SDK2: variants seen among roughly 807,000 people sequenced by gnomAD.
The protein encoded by SDK2 is sidekick cell adhesion molecule 2, also known as protein sidekick-2.
In SDK2, 105 loss-of-function variants were observed where a neutral mutation model predicts 253.9. The ratio of observed to expected loss-of-function variants is 0.41; its 90% CI spans 0.35 to 0.49. The LOEUF (loss-of-function observed/expected upper bound fraction) is 0.49, where lower values mean the gene tolerates loss of function less well. Ranked by LOEUF, SDK2 falls within the 20% of genes least tolerant of loss-of-function variation. The pLI is 0.06. For synonymous variants in SDK2, 1,249 were observed against 1,234.9 expected, an observed-to-expected ratio of 1.01 and a Z score of -0.24; for missense variants, 2,608 against 3,003.0, an observed-to-expected ratio of 0.87 and a Z score of 3.07.
At chr17:73,404,421 T>C (rs1599530966) in intron 18 of SDK2, among the ~76,000 whole-genome samples, 1 of 152,280 alleles carries the variant, frequency 6.6e-6, no homozygotes, top group Non-Finnish European at 1.5e-5. Context: ...GGAACTTCAG[T>C]GCTCAGCTCA....
intron 18 of SDK2, among the ~76,000 whole-genome samples, chr17:73,414,206 AG>A (rs1330669016): frequency 6.6e-6 from 1 of 151,730 alleles, no homozygotes; most frequent in East Asian, 1.9e-4. Context: ...CCTGCCACCA[AG>A]CCCAGCTAAT....
intron 1 of SDK2, among the ~76,000 whole-genome samples, chr17:73,590,006 G>C (rs770230591): frequency 3.9e-5 from 6 of 152,214 alleles, no homozygotes; most frequent in Admixed American, 1.3e-4. Flanking sequence ...TCCTTCCCAC[G>C]GCCAGAGGGC....
At chr17:73,440,771 G>A (rs1410830212) in intron 6 of SDK2, 41 bp downstream of exon 6, 1 of 1,408,416 alleles carries the variant, frequency 7.1e-7, no homozygotes, top group Non-Finnish European at 9.8e-7. Context: ...AGCAGCAGCT[G>A]GAGTTACGGG....
intron 44 of SDK2, among the ~76,000 whole-genome samples, chr17:73,345,058 C>G (rs185255122): frequency 2.4e-3 from 361 of 152,316 alleles, no homozygotes; most frequent in African/African-American, 8.4e-3. Context: ...GTGGCTCACG[C>G]CTGTAATCCT....
At chr17:73,555,128 C>T (rs2045124137) in intron 1 of SDK2, among the ~76,000 whole-genome samples, 2 of 152,222 alleles carry the variant, frequency 1.3e-5, no homozygotes, top group South Asian at 4.1e-4. Context: ...CATATGCAGC[C>T]CCGAGCTGGG....
intron 2 of SDK2, among the ~76,000 whole-genome samples, chr17:73,503,201 C>G (rs534814641): frequency 6.6e-6 from 1 of 152,166 alleles, no homozygotes; most frequent in South Asian, 2.1e-4. Flanking sequence ...TTAGGTCCGG[C>G]GTTGAAGAAG....
At chr17:73,491,260 G>A (rs1051409672) in intron 2 of SDK2, among the ~76,000 whole-genome samples, 1 of 152,056 alleles carries the variant, frequency 6.6e-6, no homozygotes, top group Non-Finnish European at 1.5e-5. Context: ...ACAAGCCCTG[G>A]CCCAGCAAAG....
intron 1 of SDK2, among the ~76,000 whole-genome samples, chr17:73,596,691 G>A (rs1489669492): frequency 6.6e-6 from 1 of 152,058 alleles, no homozygotes; most frequent in Non-Finnish European, 1.5e-5. Flanking sequence ...CAGAAACAGG[G>A]GACACAGGAC....
intron 3 of SDK2, among the ~76,000 whole-genome samples, chr17:73,466,714 CG>C (rs373726318): frequency 0.11 from 11,249 of 103,236 alleles, 2,844 homozygotes; most frequent in African/African-American, 0.34. Context: ...CTCTGGGGAA[CG>C]CCCCCCCCCC....
chr17:73,394,430 C>T, intron 25 of SDK2, 106 bp from the exon 26 acceptor site: 1 of 590,302 alleles, frequency 1.7e-6, no homozygotes, highest in Non-Finnish European at 2.7e-6. Context: ...CTCGATGTTG[C>T]CTCTCTATGG....
chr17:73,537,504 A>T (rs1003795940), intron 1 of SDK2, among the ~76,000 whole-genome samples: 3 of 152,148 alleles, frequency 2.0e-5, no homozygotes, highest in African/African-American at 7.2e-5. Flanking sequence ...ATCGGGCTCC[A>T]GAGCTGCTGA....
chr17:73,355,174 A>ATAT, intron 40 of SDK2, among the ~76,000 whole-genome samples: 4 of 47,238 alleles, frequency 8.5e-5, no homozygotes, highest in African/African-American at 4.9e-4. Context: ...ATATATATAT[A>ATAT]TTTTTTTTTT....
At chr17:73,445,616 C>T (rs1310512901) in intron 5 of SDK2, among the ~76,000 whole-genome samples, 9 of 151,914 alleles carry the variant, frequency 5.9e-5, no homozygotes, top group Non-Finnish European at 1.3e-4. Flanking sequence ...GGAGAGCAGA[C>T]GGAGGGGTGA....
At chr17:73,422,155 T>C in intron 15 of SDK2, 132 bp downstream of exon 15, 1 of 982,394 alleles carries the variant, frequency 1.0e-6, no homozygotes, top group Non-Finnish European at 1.5e-6. Flanking sequence ...AGGATTGCTC[T>C]CCCCTTCTAC....
At chr17:73,628,320 A>G (rs150063822) in intron 1 of SDK2, among the ~76,000 whole-genome samples, 1 of 152,220 alleles carries the variant, frequency 6.6e-6, no homozygotes, top group East Asian at 1.9e-4. Context: ...AGCACTCATA[A>G]GCCATGCTAC....
chr17:73,340,096 T>C (rs1345427042), intron 44 of SDK2, among the ~76,000 whole-genome samples: 1 of 152,198 alleles, frequency 6.6e-6, no homozygotes. Context: ...GGTCTTGAAC[T>C]CCTGACCTCA....
In SDK2 at chr17:73,447,484, TC is replaced by T. The variant is rs2063460931; in HGVS notation, c.613+130del. 15 of 1,322,026 alleles carry T rather than the reference TC, an allele frequency of 1.1e-5. No individual in the cohort carries two copies. Among genetic ancestry groups the T allele is most frequent in the African/African-American group, 1.5e-5 (1 of 68,242 alleles). The allele number at this position is 1,322,026 out of a possible 1,614,324, so 81.9% of individuals were successfully genotyped here. On this transcript the variant is annotated intron_variant, in intron 5 of 44. Coordinates refer to ENST00000392650, the MANE Select transcript of SDK2 (RefSeq NM_001144952.2). This position sits in a 1 kb window ranked among gnomAD's most constrained non-coding sequence, Gnocchi z 4.0. ...TGTGTCTCGTCCTCCTTGGGAAGGC[TC>T]CCCCCGGCCGTCCCCTAGCTTCCCT...
chr17:73,424,834 G>T (rs1200757991), intron 12 of SDK2, among the ~76,000 whole-genome samples: 1 of 152,182 alleles, frequency 6.6e-6, no homozygotes, highest in Non-Finnish European at 1.5e-5. Flanking sequence ...ACAGGGTGGG[G>T]GCCTGAGCTG....
chr17:73,471,150 C>G (rs1282808885), intron 3 of SDK2, among the ~76,000 whole-genome samples: 1 of 152,108 alleles, frequency 6.6e-6, no homozygotes, highest in Non-Finnish European at 1.5e-5. Flanking sequence ...CACTCTCTGC[C>G]CCCCAGCCTT....
Sources: gnomAD v4.1 joint callset for allele counts (sites outside exome capture counted in the v4.1 genomes callset) on GRCh38, gnomAD v4.1.1 for gene constraint, Gnocchi (gnomAD v3.1) non-coding constraint, MANE v1.5 for transcripts, NCBI Gene and HGNC (gene_info 2026-07-23, HGNC 2026-07-21) for gene names.